SPIDR: variants seen among roughly 807,000 people sequenced by gnomAD.
The protein encoded by SPIDR is scaffold protein involved in DNA repair.
In SPIDR, 93 loss-of-function variants were observed where a neutral mutation model predicts 104.6. That is an observed-to-expected ratio of 0.89 (90% CI 0.75 to 1.06). The LOEUF (loss-of-function observed/expected upper bound fraction) is 1.06, where lower values mean the gene tolerates loss of function less well. SPIDR is among the 50% of genes least tolerant of loss of function. The pLI is 0.00. For synonymous variants in SPIDR, 431 were observed against 416.9 expected (o/e 1.03, Z -0.41); for missense variants, 1,154 against 1,111.2 (o/e 1.04, Z -0.55).
chr8:47,298,825 G>C (rs2041433039), intron 5 of SPIDR, among the ~76,000 whole-genome samples: 1 of 152,110 alleles, frequency 6.6e-6, no homozygotes, highest in Non-Finnish European at 1.5e-5. Context: ...CTCTGTTTTG[G>C]TACCAGTACC....
chr8:47,482,107 G>C (rs1450274057), intron 8 of SPIDR, among the ~76,000 whole-genome samples: 2 of 152,208 alleles, frequency 1.3e-5, no homozygotes, highest in Non-Finnish European at 2.9e-5. Flanking sequence ...TGTACCTGAA[G>C]TACGTACTTC....
chr8:47,320,334 A>G (rs190911793), intron 5 of SPIDR, among the ~76,000 whole-genome samples: 7 of 152,220 alleles, frequency 4.6e-5, no homozygotes, highest in Middle Eastern at 3.2e-3. Flanking sequence ...ACGCAAATAA[A>G]CTAGAAAATC....
rs879589310 is a variant in SPIDR, at chr8:47,579,761, A to G, written c.1098-16050A>G. Among the ~76,000 whole-genome samples, 16 of 151,582 alleles carry G rather than the reference A, an allele frequency of 1.1e-4. No homozygotes were observed. The South Asian group carries it at 1.9e-3, about 18-fold the overall frequency. The stretch of plus-strand genomic sequence containing the variant: ...AATTTCATGCCTTCATGTGAGCCCC[A>G]TCTAATCGTGTGCCTGGCTAGCCAA... On this transcript the variant is annotated intron_variant, in intron 8 of 19. Coordinates refer to ENST00000297423, the MANE Select transcript of SPIDR (RefSeq NM_001080394.4).
intron 8 of SPIDR, among the ~76,000 whole-genome samples, chr8:47,442,537 G>A (rs2069644449): frequency 6.6e-6 from 1 of 152,134 alleles, no homozygotes; most frequent in Non-Finnish European, 1.5e-5. Context: ...CGTGTTCATG[G>A]AGTGCACAGC....
chr8:47,571,764 A>G (rs2058553330), intron 8 of SPIDR, among the ~76,000 whole-genome samples: 1 of 152,220 alleles, frequency 6.6e-6, no homozygotes, highest in Admixed American at 6.5e-5. Context: ...AAGGCAAAGT[A>G]AAGATTAACA....
intron 5 of SPIDR, among the ~76,000 whole-genome samples, chr8:47,391,814 G>A (rs1554652236): frequency 6.6e-6 from 1 of 151,938 alleles, no homozygotes; most frequent in African/African-American, 2.4e-5. Flanking sequence ...GGCTAACATG[G>A]TGAAACCCCG....
chr8:47,305,861 A>G (rs2043012729), intron 5 of SPIDR, among the ~76,000 whole-genome samples: 1 of 152,220 alleles, frequency 6.6e-6, no homozygotes, highest in Non-Finnish European at 1.5e-5. Flanking sequence ...AAAATGTGCA[A>G]TTCAGTGGTA....
At chr8:47,439,309 C>T (rs1276639181) in intron 7 of SPIDR, among the ~76,000 whole-genome samples, 3 of 152,096 alleles carry the variant, frequency 2.0e-5, no homozygotes, top group African/African-American at 4.8e-5. Flanking sequence ...TGTTTTTATA[C>T]TCATCTTGTA....
chr8:47,440,361 C>G lies in SPIDR; in HGVS notation c.916C>G (p.Leu306Val). The part of the protein sequence containing the change: ...SGVLTVKILE[L>V]HEECAMQVAM... The stretch of plus-strand genomic sequence containing the variant: ...TGTATTAACTGTGAAAATTTTAGAG[C>G]TGCATGAGGAATGTGCCATGCAAGT... The change falls in exon 8 of 20, where the codon CTG (leucine) becomes GTG (valine). Residue 306 changes from leucine (L) to valine (V), a missense_variant. Coordinates refer to ENST00000297423, the MANE Select transcript of SPIDR (RefSeq NM_001080394.4). 1 of 1,614,170 alleles carries G rather than the reference C, an allele frequency of 6.2e-7. No homozygotes were observed. The highest frequency in any genetic ancestry group is 1.1e-5 in the South Asian group (1 of 91,090).
At chr8:47,448,271 A>G (rs2071057587) in intron 8 of SPIDR, among the ~76,000 whole-genome samples, 1 of 152,228 alleles carries the variant, frequency 6.6e-6, no homozygotes, top group Non-Finnish European at 1.5e-5. Context: ...TGCTTGAAAC[A>G]TAGTAGGCAC....
chr8:47,265,686 C>T (rs1051810798), intron 1 of SPIDR, among the ~76,000 whole-genome samples: 1 of 152,108 alleles, frequency 6.6e-6, no homozygotes, highest in African/African-American at 2.4e-5. Context: ...TCAGCAGTCC[C>T]TTGCACATCT....
intron 5 of SPIDR, among the ~76,000 whole-genome samples, chr8:47,296,215 T>C (rs929822955): frequency 6.0e-4 from 91 of 152,302 alleles, no homozygotes; most frequent in African/African-American, 2.0e-3. Flanking sequence ...TTTCTCTCAA[T>C]CCATGGCACA....
chr8:47,359,976 C>T (rs1165423909), intron 5 of SPIDR, among the ~76,000 whole-genome samples: 1 of 152,140 alleles, frequency 6.6e-6, no homozygotes, highest in Non-Finnish European at 1.5e-5. Context: ...GGTGCAGTGG[C>T]TCACGCCTGT....
At chr8:47,530,900 C>T (rs1452164559) in intron 8 of SPIDR, among the ~76,000 whole-genome samples, 2 of 151,502 alleles carry the variant, frequency 1.3e-5, no homozygotes, top group East Asian at 3.9e-4. Flanking sequence ...AAATTTTTTT[C>T]TATTAAAATT....
At chr8:47,319,809 A>G (rs547858266) in intron 5 of SPIDR, among the ~76,000 whole-genome samples, 1 of 152,242 alleles carries the variant, frequency 6.6e-6, no homozygotes, top group Non-Finnish European at 1.5e-5. Flanking sequence ...AAACTGCTCA[A>G]CTACATGGAA....
At chr8:47,606,647 G>T (rs1230489723) in intron 10 of SPIDR, among the ~76,000 whole-genome samples, 1 of 152,200 alleles carries the variant, frequency 6.6e-6, no homozygotes, top group East Asian at 1.9e-4. Flanking sequence ...ATGATTAGGG[G>T]CATTAGCCTT....
rs778569631 is a variant in SPIDR, at chr8:47,595,901, A to C, written c.1188A>C (p.Lys396Asn). 20 of 1,614,064 alleles carry C rather than the reference A, an allele frequency of 1.2e-5. No homozygotes were observed. The East Asian group carries it at 4.5e-4, about 36-fold the overall frequency. ...TTGTTGCCAAAGAAGATTCAGAAAA[A>C]ACTTGTGAAGTGTACTGTCCGGACA... Reference protein sequence around the residue: ...EKVVAKEDSEKTCEVYCPDIP... With the variant: ...EKVVAKEDSENTCEVYCPDIP... Residue 396 changes from lysine (K) to asparagine (N), a missense_variant, in exon 9 of 20, where the codon AAA becomes AAC. Lys to Asn is a moderately conservative substitution (Grantham distance 94). Coordinates refer to ENST00000297423, the MANE Select transcript of SPIDR (RefSeq NM_001080394.4).
intron 5 of SPIDR, among the ~76,000 whole-genome samples, chr8:47,383,600 G>A (rs1375494624): frequency 1.3e-5 from 2 of 152,194 alleles, no homozygotes; most frequent in African/African-American, 4.8e-5. Context: ...TTTAATGAGT[G>A]TGGGTGAATT....
intron 8 of SPIDR, among the ~76,000 whole-genome samples, chr8:47,488,582 C>A (rs2078104961): frequency 6.6e-6 from 1 of 152,176 alleles, no homozygotes; most frequent in Non-Finnish European, 1.5e-5. Context: ...CCCTGATGAA[C>A]ATTGATTCAA....
Sources: allele counts gnomAD v4.1 joint callset (sites outside exome capture counted in the v4.1 genomes callset), GRCh38; gene constraint gnomAD v4.1.1; transcripts MANE v1.5; gene names NCBI Gene and HGNC (gene_info 2026-07-23, HGNC 2026-07-21).